The following ROBO2 variants were observed in gnomAD, a reference collection of about 807,000 sequenced individuals.
The protein encoded by ROBO2 is roundabout homolog 2.
In ROBO2, 53 loss-of-function variants were observed where a neutral mutation model predicts 160.8. The observed-to-expected ratio is 0.33, with a 90% CI of 0.26 to 0.41. ROBO2 has a LOEUF of 0.41. Ranked by LOEUF, ROBO2 falls within the 10% of genes least tolerant of loss-of-function variation. ROBO2 has a pLI of 1.00. For synonymous variants in ROBO2, 664 were observed against 611.7 expected (o/e 1.09, Z -1.26); for missense variants, 1,577 against 1,722.4 (o/e 0.92, Z 1.49).
rs149251864 is a variant in ROBO2 at position 76,761,228 on chromosome 3, C to T, written c.110-336786C>T. On this transcript the variant is annotated intron_variant, in intron 2 of 26. Coordinates refer to the ROBO2 transcript ENST00000487694. ...AAGGAACAATTGTATAAGCTATATA[C>T]GATTACTTTGAAATCAAACCTTAGA... Among the ~76,000 whole-genome samples the T allele has an allele frequency of 3.4e-3, 515 of 151,792 alleles. 4 individuals carry two copies. The highest frequency in any genetic ancestry group is 0.012 in the African/African-American group (492 of 41,480).
intron 2 of ROBO2, among the ~76,000 whole-genome samples, chr3:76,605,097 T>G (rs1175275477): frequency 6.6e-6 from 1 of 152,172 alleles, no homozygotes; most frequent in Non-Finnish European, 1.5e-5. Context: ...GTAAAAATAC[T>G]GGAAAAATAT....
At chr3:76,773,279 A>T (rs971283076) in intron 2 of ROBO2, among the ~76,000 whole-genome samples, 7 of 146,464 alleles carry the variant, frequency 4.8e-5, no homozygotes, top group Middle Eastern at 3.4e-3. Context: ...AAACTGTTAT[A>T]TTTATTCTGT....
chr3:76,600,716 TG>T (rs1322032251), intron 2 of ROBO2, among the ~76,000 whole-genome samples: 1 of 152,072 alleles, frequency 6.6e-6, no homozygotes, highest in Non-Finnish European at 1.5e-5. Flanking sequence ...CAATTCAAGA[TG>T]AAATTTGGGT....
chr3:77,222,419 T>G, intron 2 of ROBO2, among the ~76,000 whole-genome samples: 1 of 152,170 alleles, frequency 6.6e-6, no homozygotes, highest in East Asian at 1.9e-4. Flanking sequence ...CGCAGAGGAT[T>G]TTCAAAGTCA....
chr3:76,621,658 G>T (rs2089091659), intron 2 of ROBO2, among the ~76,000 whole-genome samples: 1 of 152,130 alleles, frequency 6.6e-6, no homozygotes, highest in Non-Finnish European at 1.5e-5. Context: ...TTACTGTGAG[G>T]TTTAAATGAG....
chr3:76,942,912 T>C (rs375101621), intron 2 of ROBO2, among the ~76,000 whole-genome samples: 10 of 152,190 alleles, frequency 6.6e-5, no homozygotes, highest in East Asian at 5.8e-4. Context: ...TATTAACTTA[T>C]GTTGAGCACC....
At chr3:76,424,492 G>T (rs1391667289) in intron 2 of ROBO2, among the ~76,000 whole-genome samples, 1 of 152,144 alleles carries the variant, frequency 6.6e-6, no homozygotes, top group Non-Finnish European at 1.5e-5. Flanking sequence ...AAGGGTTGCT[G>T]CCAGGAGCTG....
At position 77,386,603 on chromosome 3, in the gene ROBO2, A is replaced by ATTTTTTTTTTTTTTTT. The variant is rs71104679; in HGVS notation, c.389-90809_389-90794dup. 2.8e-4 allele frequency among the ~76,000 whole-genome samples: 26 copies of ATTTTTTTTTTTTTTTT among 91,894 alleles called. 3 individuals carry two copies. The highest frequency in any genetic ancestry group is 4.2e-4 in the Non-Finnish European group (20 of 47,116). The allele number at this position is 91,894 out of a possible 152,430, so 60.3% of individuals were successfully genotyped here. A position where few individuals can be genotyped will look rare whatever the true frequency, so the allele number is the denominator to read the frequency against. ...AGTTAATTATTTTTTCAGCCAGGTA[A>ATTTTTTTTTTTTTTTT]TTTTTTTTTTTTTTTTTGAAATAGA... is the stretch of plus-strand genomic sequence containing the variant. On this transcript the variant is annotated intron_variant, in intron 2 of 25. Transcript: ENST00000461745.
chr3:77,337,311 A>G (rs2066591830), intron 2 of ROBO2, among the ~76,000 whole-genome samples: 1 of 152,214 alleles, frequency 6.6e-6, no homozygotes, highest in Non-Finnish European at 1.5e-5. Context: ...TTTGGAAAGA[A>G]AACCTTTGCC....
chr3:76,984,849 T>C (rs1373031723), intron 2 of ROBO2, among the ~76,000 whole-genome samples: 1 of 152,152 alleles, frequency 6.6e-6, no homozygotes, highest in Non-Finnish European at 1.5e-5. Context: ...TTGACATAAT[T>C]ACATATACTT....
chr3:76,522,264 TACAACTCATTGTGTGTATTCAAGAGCCA>T (rs1393495538), intron 2 of ROBO2, among the ~76,000 whole-genome samples: 1 of 152,198 alleles, frequency 6.6e-6, no homozygotes, highest in Admixed American at 6.5e-5. Context: ...ATCTATTCTC[TACAACTCATTGTGTGTATTCAAGAGCCA>T]AATGAAATTT....
chr3:77,102,820 A>G (rs2072165547), intron 2 of ROBO2, among the ~76,000 whole-genome samples: 1 of 149,944 alleles, frequency 6.7e-6, no homozygotes, highest in Non-Finnish European at 1.5e-5. Flanking sequence ...GAATCACCTC[A>G]AATTTGCTTT....
At chr3:77,564,058 TG>T (rs964790338) in intron 11 of ROBO2, among the ~76,000 whole-genome samples, 2 of 152,150 alleles carry the variant, frequency 1.3e-5, no homozygotes, top group African/African-American at 2.4e-5. Context: ...GGATAACCAC[TG>T]TTTTTTTTAA....
intron 2 of ROBO2, among the ~76,000 whole-genome samples, chr3:75,948,864 C>T (rs1244763563): frequency 6.6e-6 from 1 of 152,136 alleles, no homozygotes; most frequent in Non-Finnish European, 1.5e-5. Context: ...TCTGCAAACA[C>T]CTTCAAATCT....
chr3:76,891,938 G>A (rs1377656264), intron 2 of ROBO2, among the ~76,000 whole-genome samples: 1 of 152,148 alleles, frequency 6.6e-6, no homozygotes, highest in Non-Finnish European at 1.5e-5. Flanking sequence ...GGGTCTGGGG[G>A]TCAGGAGAGG....
intron 2 of ROBO2, among the ~76,000 whole-genome samples, chr3:76,049,358 A>G (rs1266506260): frequency 1.4e-5 from 2 of 139,402 alleles, no homozygotes; most frequent in Non-Finnish European, 3.0e-5. Context: ...CCACAGGCAC[A>G]TGCCACCACC....
At chr3:76,760,912 C>G (rs1255671699) in intron 2 of ROBO2, among the ~76,000 whole-genome samples, 1 of 151,254 alleles carries the variant, frequency 6.6e-6, no homozygotes, top group Non-Finnish European at 1.5e-5. Context: ...TGTTCTACAA[C>G]CTTGTATCTT....
chr3:76,217,126 A>G (rs1703594276), intron 2 of ROBO2, among the ~76,000 whole-genome samples: 1 of 152,200 alleles, frequency 6.6e-6, no homozygotes, highest in Non-Finnish European at 1.5e-5. Context: ...AACAAAGAAG[A>G]CACAACATAC....
rs577352691 is a variant in ROBO2, at chr3:76,922,912, CT to C, written c.110-175099del. Among the ~76,000 whole-genome samples the C allele has an allele frequency of 9.2e-5, 14 of 152,342 alleles. No individual in the cohort carries two copies. The South Asian group carries it at 2.7e-3, about 29-fold the overall frequency. ...TTAGTCACTGATACAGGCTTTCCAG[CT>C]TTCCTGACAGGGTGCAAAAGTAACA... On this transcript the variant is annotated intron_variant, in intron 2 of 26. Transcript: ENST00000487694.
Sources: allele counts gnomAD v4.1 joint callset (sites outside exome capture counted in the v4.1 genomes callset), GRCh38; gene constraint gnomAD v4.1.1; transcripts MANE v1.5; gene names NCBI Gene and HGNC (gene_info 2026-07-23, HGNC 2026-07-21).